PPP2R2A: variants seen among roughly 807,000 people sequenced by gnomAD.
PPP2R2A encodes the protein serine/threonine-protein phosphatase 2A 55 kDa regulatory subunit B alpha isoform.
A neutral mutation model predicts 53.2 loss-of-function variants in PPP2R2A; 9 were observed. That is an observed-to-expected ratio of 0.17 (90% CI 0.10 to 0.30). The LOEUF is 0.30. PPP2R2A is among the 10% of genes least tolerant of loss of function. PPP2R2A has a pLI of 1.00. For missense variants in PPP2R2A, 235 were observed against 534.6 expected, an observed-to-expected ratio of 0.44 and a Z score of 5.53; for synonymous variants, 169 against 174.2, an observed-to-expected ratio of 0.97 and a Z score of 0.23.
intron 9 of PPP2R2A, among the ~76,000 whole-genome samples, chr8:26,367,138 G>A (rs1449755585): frequency 1.3e-5 from 2 of 152,148 alleles, no homozygotes; most frequent in Non-Finnish European, 2.9e-5. Context: ...TCATGGTGTT[G>A]TGTGTTACAG....
At chr8:26,343,280 G>A (rs1320189270) in intron 3 of PPP2R2A, among the ~76,000 whole-genome samples, 1 of 152,104 alleles carries the variant, frequency 6.6e-6, no homozygotes, top group Non-Finnish European at 1.5e-5. Flanking sequence ...GAATGTAAGA[G>A]CTAACATTTA....
At chr8:26,299,116 T>C (rs561304339) in intron 2 of PPP2R2A, among the ~76,000 whole-genome samples, 15 of 152,144 alleles carry the variant, frequency 9.9e-5, no homozygotes, top group African/African-American at 3.1e-4. Context: ...TCTACAAAAA[T>C]TAAAAATATT....
intron 4 of PPP2R2A, among the ~76,000 whole-genome samples, chr8:26,355,591 G>A (rs936744594): frequency 5.3e-5 from 8 of 152,190 alleles, no homozygotes; most frequent in African/African-American, 1.2e-4. Flanking sequence ...CAGGCCGGGC[G>A]TGGTGGCTCA....
At chr8:26,302,452 G>A (rs1161172355) in intron 2 of PPP2R2A, among the ~76,000 whole-genome samples, 1 of 152,130 alleles carries the variant, frequency 6.6e-6, no homozygotes, top group African/African-American at 2.4e-5. Flanking sequence ...GTCTTTTACG[G>A]GTGACCGATG....
At chr8:26,323,644 T>C (rs763217064) in intron 2 of PPP2R2A, among the ~76,000 whole-genome samples, 2 of 152,192 alleles carry the variant, frequency 1.3e-5, no homozygotes, top group African/African-American at 4.8e-5. Context: ...AATGAACAGC[T>C]ACATGAAGAG....
intron 2 of PPP2R2A, among the ~76,000 whole-genome samples, chr8:26,331,570 G>T (rs1156736350): frequency 1.3e-5 from 2 of 152,156 alleles, no homozygotes; most frequent in African/African-American, 4.8e-5. Flanking sequence ...TGATTACCTA[G>T]TAGAGCTTTA....
At chr8:26,364,965 T>A (rs1297599323) in intron 8 of PPP2R2A, 1 of 152,164 alleles carries the variant, frequency 6.6e-6, no homozygotes, top group East Asian at 1.9e-4. Flanking sequence ...TCGTGTATAC[T>A]GAAAAAAGAC....
chr8:26,328,200 A>G (rs927341454), intron 2 of PPP2R2A, among the ~76,000 whole-genome samples: 1 of 152,214 alleles, frequency 6.6e-6, no homozygotes, highest in Non-Finnish European at 1.5e-5. Flanking sequence ...TCATAACCAT[A>G]TATGTCAAGG....
intron 3 of PPP2R2A, among the ~76,000 whole-genome samples, chr8:26,344,872 G>A (rs1009420734): frequency 2.0e-5 from 3 of 152,152 alleles, no homozygotes; most frequent in Admixed American, 2.0e-4. Context: ...AACCAGAAGT[G>A]TTTCAAATTT....
At chr8:26,309,545 G>A (rs1282034098) in intron 2 of PPP2R2A, among the ~76,000 whole-genome samples, 1 of 152,180 alleles carries the variant, frequency 6.6e-6, no homozygotes, top group Non-Finnish European at 1.5e-5. Flanking sequence ...CCAGGCATCA[G>A]CTTCTCCTTT....
intron 1 of PPP2R2A, 53 bp downstream of exon 1, chr8:26,291,879 C>T (rs374712190): frequency 2.8e-4 from 448 of 1,602,378 alleles, no homozygotes; most frequent in Non-Finnish European, 3.5e-4. Flanking sequence ...CCTTATTCCT[C>T]CCTCCATCAC....
At chr8:26,294,606 T>TA (rs1801461822) in intron 2 of PPP2R2A, among the ~76,000 whole-genome samples, 1 of 152,226 alleles carries the variant, frequency 6.6e-6, no homozygotes, top group Admixed American at 6.5e-5. Context: ...TCAGATAAAT[T>TA]TAAACATGTA....
At chr8:26,355,458 GGT>G (rs1804726557) in intron 4 of PPP2R2A, among the ~76,000 whole-genome samples, 1 of 152,192 alleles carries the variant, frequency 6.6e-6, no homozygotes, top group East Asian at 1.9e-4. Context: ...TGCTCAGGCT[GGT>G]CTTGAATTCC....
intron 2 of PPP2R2A, among the ~76,000 whole-genome samples, chr8:26,320,225 G>A (rs375788240): frequency 1.3e-5 from 2 of 152,156 alleles, no homozygotes; most frequent in African/African-American, 4.8e-5. Context: ...CAACTCTCTT[G>A]TTCTCTTGAG....
intron 8 of PPP2R2A, among the ~76,000 whole-genome samples, chr8:26,364,618 GAAGT>G (rs750136640): frequency 1.3e-5 from 2 of 152,174 alleles, no homozygotes; most frequent in Non-Finnish European, 2.9e-5. Flanking sequence ...AATAGACTGG[GAAGT>G]ATGTTTCTCA....
At position 26,354,336 on chromosome 8, in the gene PPP2R2A, CAG is replaced by C. The variant is rs1164048805; in HGVS notation, c.181-130_181-129del. On this transcript the variant is annotated intron_variant, in intron 3 of 9. Transcript: ENST00000380737. This position sits in a 1 kb window ranked among gnomAD's most constrained non-coding sequence, Gnocchi z 4.6. ...TGAAGGCCTTTAGAAATATAAAAAA[CAG>C]AATGTAATTGTATAAAGACACAACT... The C allele has an allele frequency of 3.1e-6, 2 of 637,460 alleles. No homozygotes were observed. Among genetic ancestry groups the C allele is most frequent in the South Asian group, 6.5e-5 (1 of 15,278 alleles). 39.5% of individuals were successfully genotyped at this position (637,460 alleles called of 1,614,324 possible).
chr8:26,311,882 T>C (rs1012197197), intron 2 of PPP2R2A, among the ~76,000 whole-genome samples: 1 of 152,088 alleles, frequency 6.6e-6, no homozygotes, highest in African/African-American at 2.4e-5. Flanking sequence ...CACCCTTCAC[T>C]ATTGGTGTCA....
At chr8:26,311,771 T>C (rs1802302574) in intron 2 of PPP2R2A, among the ~76,000 whole-genome samples, 1 of 152,126 alleles carries the variant, frequency 6.6e-6, no homozygotes, top group South Asian at 2.1e-4. Context: ...GTTCCTCCAG[T>C]GTTTTATTCT....
At chr8:26,298,838 A>G (rs1801657014) in intron 2 of PPP2R2A, among the ~76,000 whole-genome samples, 1 of 152,240 alleles carries the variant, frequency 6.6e-6, no homozygotes, top group South Asian at 2.1e-4. Flanking sequence ...AACAAAATAG[A>G]AAGCCAAGTT....
Sources: gnomAD v4.1 joint callset for allele counts (sites outside exome capture counted in the v4.1 genomes callset) on GRCh38, gnomAD v4.1.1 for gene constraint, Gnocchi (gnomAD v3.1) non-coding constraint, MANE v1.5 for transcripts, NCBI Gene and HGNC (gene_info 2026-07-23, HGNC 2026-07-21) for gene names.